Variants in FAM163A observed in about 807,000 individuals in gnomAD.
The protein encoded by FAM163A is family with sequence similarity 163 member A.
A neutral mutation model predicts 12.0 loss-of-function variants in FAM163A; 7 were observed. The observed-to-expected ratio is 0.58, with a 90% CI of 0.33 to 1.10. The LOEUF is 1.10. Ranked by LOEUF, FAM163A falls within the 50% of genes least tolerant of loss-of-function variation. The pLI is 0.03. For synonymous variants in FAM163A, 101 were observed against 91.0 expected (o/e 1.11, Z -0.62); for missense variants, 202 against 218.6 (o/e 0.92, Z 0.48).
chr1:179,803,446 C>T (rs1205885395), intron 1 of FAM163A, among the ~76,000 whole-genome samples: 1 of 152,236 alleles, frequency 6.6e-6, no homozygotes, highest in Non-Finnish European at 1.5e-5. Context: ...CCTTCAGATA[C>T]AGCAGAGACC....
intron 1 of FAM163A, among the ~76,000 whole-genome samples, chr1:179,748,710 T>C (rs1684855338): frequency 6.6e-6 from 1 of 152,194 alleles, no homozygotes; most frequent in Non-Finnish European, 1.5e-5. Context: ...TGATAAATTA[T>C]TAAGTCCGTC....
At chr1:179,795,947 G>A (rs1391869735) in intron 1 of FAM163A, among the ~76,000 whole-genome samples, 1 of 87,528 alleles carries the variant, frequency 1.1e-5, no homozygotes, top group Non-Finnish European at 2.2e-5. Context: ...TCCTATGACA[G>A]GAGTCTTTCT....
At chr1:179,772,322 T>G (rs1420203360) in intron 1 of FAM163A, among the ~76,000 whole-genome samples, 2 of 152,166 alleles carry the variant, frequency 1.3e-5, no homozygotes, top group East Asian at 3.9e-4. Context: ...CCCTCACCCT[T>G]GGTTTAGGTC....
chr1:179,798,768 C>T (rs1025582934), intron 1 of FAM163A, among the ~76,000 whole-genome samples: 1 of 152,228 alleles, frequency 6.6e-6, no homozygotes, highest in Non-Finnish European at 1.5e-5. Context: ...AGCCTCCCTG[C>T]ACGATGTGGG....
At chr1:179,739,423 A>T (rs1683373557), upstream of FAM163A, among the ~76,000 whole-genome samples, 1 of 152,220 alleles carries the variant, frequency 6.6e-6, no homozygotes, top group Non-Finnish European at 1.5e-5. Flanking sequence ...CAGGATCTAG[A>T]CCAAGGTTGT....
At chr1:179,782,072 C>T (rs921298307) in intron 1 of FAM163A, among the ~76,000 whole-genome samples, 1 of 152,104 alleles carries the variant, frequency 6.6e-6, no homozygotes, top group African/African-American at 2.4e-5. Flanking sequence ...GTGGAGAAGG[C>T]GCCTCTACCA....
intron 1 of FAM163A, among the ~76,000 whole-genome samples, chr1:179,789,685 C>T (rs1691166445): frequency 6.6e-6 from 1 of 152,164 alleles, no homozygotes; most frequent in South Asian, 2.1e-4. Flanking sequence ...GGTGCTATCA[C>T]ATGGAAACTG....
intron 1 of FAM163A, among the ~76,000 whole-genome samples, chr1:179,745,226 G>A (rs1684302678): frequency 6.6e-6 from 1 of 152,168 alleles, no homozygotes; most frequent in African/African-American, 2.4e-5. Context: ...CCCTGCCAGG[G>A]CTAGAGATCT....
intron 1 of FAM163A, among the ~76,000 whole-genome samples, chr1:179,751,346 G>A (rs975349723): frequency 2.0e-5 from 3 of 152,126 alleles, no homozygotes; most frequent in Non-Finnish European, 4.4e-5. Flanking sequence ...AAAACCAAGA[G>A]GGAGAAATGT....
chr1:179,788,460 C>A (rs975150312), intron 1 of FAM163A, among the ~76,000 whole-genome samples: 3 of 152,212 alleles, frequency 2.0e-5, no homozygotes, highest in Non-Finnish European at 2.9e-5. Flanking sequence ...ACTGGCCCTG[C>A]TGCTTTCTTT....
intron 1 of FAM163A, among the ~76,000 whole-genome samples, chr1:179,798,863 G>A (rs1401832609): frequency 6.6e-6 from 1 of 152,126 alleles, no homozygotes; most frequent in Non-Finnish European, 1.5e-5. Context: ...AGTTTCTTTG[G>A]TATAATTTAA....
intron 1 of FAM163A, among the ~76,000 whole-genome samples, chr1:179,793,511 G>T (rs1269468436): frequency 2.6e-5 from 4 of 152,184 alleles, no homozygotes; most frequent in Non-Finnish European, 4.4e-5. Flanking sequence ...TGCTCATGCA[G>T]GGATTCCATG....
the FAM163A span, among the ~76,000 whole-genome samples, chr1:179,730,933 C>T: frequency 5.5e-4 from 84 of 152,272 alleles, 1 homozygote; most frequent in South Asian, 1.4e-3. Context: ...TTAGAGTAAA[C>T]GCTTTTTCTT....
At chr1:179,757,356 A>C (rs1377100369) in intron 1 of FAM163A, among the ~76,000 whole-genome samples, 2 of 152,232 alleles carry the variant, frequency 1.3e-5, no homozygotes, top group Non-Finnish European at 2.9e-5. Flanking sequence ...TGGATTGAGC[A>C]GCAGGAGGAA....
chr1:179,775,693 T>G (rs1490318446), intron 1 of FAM163A, among the ~76,000 whole-genome samples: 1 of 152,176 alleles, frequency 6.6e-6, no homozygotes, highest in African/African-American at 2.4e-5. Context: ...ACACTCACAT[T>G]CAGTATTCAA....
the FAM163A span, among the ~76,000 whole-genome samples, chr1:179,732,459 A>G: frequency 6.6e-6 from 1 of 152,192 alleles, no homozygotes; most frequent in East Asian, 1.9e-4. Flanking sequence ...TGTACCAATT[A>G]CTTTAACTCA....
At chr1:179,747,508 C>T (rs1456539533) in intron 1 of FAM163A, among the ~76,000 whole-genome samples, 2 of 152,230 alleles carry the variant, frequency 1.3e-5, no homozygotes, top group Non-Finnish European at 2.9e-5. Flanking sequence ...GGTCCTCCAA[C>T]ACCATTAGGT....
intron 1 of FAM163A, among the ~76,000 whole-genome samples, chr1:179,799,102 G>A (rs1557962657): frequency 6.6e-6 from 1 of 151,518 alleles, no homozygotes; most frequent in Non-Finnish European, 1.5e-5. Flanking sequence ...CCAGTCTGCT[G>A]GAAGAAAGTG....
chr1:179,781,686 A>G (rs1026345267), intron 1 of FAM163A, among the ~76,000 whole-genome samples: 1 of 152,182 alleles, frequency 6.6e-6, no homozygotes, highest in Non-Finnish European at 1.5e-5. Flanking sequence ...CTGTAATCCC[A>G]GCACTTTGGG....
Sources: allele counts gnomAD v4.1 joint callset (sites outside exome capture counted in the v4.1 genomes callset), GRCh38; gene constraint gnomAD v4.1.1; transcripts MANE v1.5; gene names NCBI Gene and HGNC (gene_info 2026-07-23, HGNC 2026-07-21).